CFH: variants seen among roughly 807,000 people sequenced by gnomAD.
CFH encodes the protein H factor 1 (complement).
In CFH, 53 loss-of-function variants were observed where a neutral mutation model predicts 147.3. That is an observed-to-expected ratio of 0.36 (90% CI 0.29 to 0.45). CFH has a LOEUF of 0.45. Ranked by LOEUF, CFH falls within the 20% of genes least tolerant of loss-of-function variation. The pLI is 1.00. For missense variants in CFH, 1,380 were observed against 1,498.0 expected (o/e 0.92, Z 1.30); for synonymous variants, 536 against 489.4 (o/e 1.10, Z -1.26).
At chr1:196,730,397 T>G (rs1669255043) in intron 15 of CFH, among the ~76,000 whole-genome samples, 1 of 151,894 alleles carries the variant, frequency 6.6e-6, no homozygotes, top group Admixed American at 6.6e-5. Context: ...CCATAGTTCC[T>G]CCTATTATTG....
intron 9 of CFH, among the ~76,000 whole-genome samples, chr1:196,707,247 G>A (rs763774690): frequency 2.0e-5 from 3 of 152,172 alleles, no homozygotes; most frequent in African/African-American, 7.2e-5. Context: ...CAGAGTAAGG[G>A]TGGTCCCTAA....
intron 13 of CFH, 23 bp downstream of exon 13, chr1:196,726,675 T>C (rs1181717030): frequency 6.2e-7 from 1 of 1,606,332 alleles, no homozygotes; most frequent in African/African-American, 1.3e-5. Flanking sequence ...ATATTAATAT[T>C]TAAACTTGTC....
At chr1:196,676,150 C>G in intron 4 of CFH, 85 bp downstream of exon 4, 11 of 770,802 alleles carry the variant, frequency 1.4e-5, no homozygotes, top group Admixed American at 2.7e-5. Flanking sequence ...CTTAAAGTCT[C>G]TATTAAATAT....
intron 17 of CFH, among the ~76,000 whole-genome samples, chr1:196,740,188 A>G (rs1353337736): frequency 6.6e-6 from 1 of 152,182 alleles, no homozygotes; most frequent in African/African-American, 2.4e-5. Flanking sequence ...TTGGGTGGGG[A>G]CACAGCTAAA....
chr1:196,664,803 G>A (rs1045252452), intron 1 of CFH, among the ~76,000 whole-genome samples: 1 of 151,702 alleles, frequency 6.6e-6, no homozygotes, highest in African/African-American at 2.4e-5. Flanking sequence ...TAAAAATGCT[G>A]GAATAAACAC....
At chr1:196,746,106 A>T in intron 21 of CFH, 107 bp downstream of exon 21, 1 of 1,580,340 alleles carries the variant, frequency 6.3e-7, no homozygotes, top group Admixed American at 1.7e-5. Flanking sequence ...ATTCTGCTGA[A>T]TGCTTGCCTA....
At chr1:196,676,325 T>G (rs1316457637) in intron 4 of CFH, among the ~76,000 whole-genome samples, 1 of 152,124 alleles carries the variant, frequency 6.6e-6, no homozygotes, top group Non-Finnish European at 1.5e-5. Flanking sequence ...TATTTCCTTT[T>G]GGATTCTAAT....
chr1:196,707,532 A>T (rs1280844379), intron 9 of CFH, among the ~76,000 whole-genome samples: 3 of 152,194 alleles, frequency 2.0e-5, no homozygotes, highest in Non-Finnish European at 4.4e-5. Flanking sequence ...CACTTAAAAC[A>T]CAGTGAAAGA....
intron 18 of CFH, chr1:196,741,475 A>G (rs1652807737): frequency 4.0e-6 from 1 of 247,046 alleles, no homozygotes; most frequent in African/African-American, 2.3e-5. Flanking sequence ...AGCATGTGGG[A>G]AACTGCCACC....
At chr1:196,727,710 A>T (rs1265438891) in intron 14 of CFH, among the ~76,000 whole-genome samples, 1 of 152,114 alleles carries the variant, frequency 6.6e-6, no homozygotes, top group African/African-American at 2.4e-5. Context: ...AAAAGTGATA[A>T]TTTTTCAGTT....
intron 9 of CFH, among the ~76,000 whole-genome samples, chr1:196,697,253 T>G (rs1435457236): frequency 6.6e-6 from 1 of 151,808 alleles, no homozygotes; most frequent in Non-Finnish European, 1.5e-5. Flanking sequence ...TGCAATCTAC[T>G]CATCTGACAA....
At position 196,686,634 on chromosome 1, in the gene CFH, C is replaced by T. The variant is rs185424258; in HGVS notation, c.964+1397C>T. Among the ~76,000 whole-genome samples, 162 of 152,186 alleles carry T rather than the reference C, an allele frequency of 1.1e-3. 1 individual carries two copies. In the East Asian group the frequency reaches 0.019, roughly 18 times the overall value. On this transcript the variant is annotated intron_variant, in intron 7 of 21. Transcript: ENST00000367429. ...CTTTAATTCCTGGCATAATTCCAAT[C>T]CCTAAGAGAGGAAGCTATTATCAGT...
At chr1:196,712,385 TCA>T (rs1269438015) in intron 9 of CFH, among the ~76,000 whole-genome samples, 2 of 151,464 alleles carry the variant, frequency 1.3e-5, no homozygotes, top group African/African-American at 4.8e-5. Flanking sequence ...TAATTTATTT[TCA>T]GTTTTTATTC....
intron 18 of CFH, 110 bp from the exon 19 acceptor site, chr1:196,741,765 G>A (rs1378393669): frequency 9.3e-6 from 9 of 962,924 alleles, no homozygotes; most frequent in African/African-American, 4.9e-5. Context: ...GAAAAATGTT[G>A]TACAGTATTC....
chr1:196,720,569 A>G, intron 11 of CFH, among the ~76,000 whole-genome samples: 1 of 151,986 alleles, frequency 6.6e-6, no homozygotes, highest in Non-Finnish European at 1.5e-5. Flanking sequence ...TTTTACCTAA[A>G]ATAATGGCCT....
intron 9 of CFH, among the ~76,000 whole-genome samples, chr1:196,704,007 A>G (rs1211599832): frequency 1.3e-5 from 2 of 149,156 alleles, no homozygotes; most frequent in Non-Finnish European, 3.0e-5. Context: ...AAAAAAAAAG[A>G]CAGAGTTTTT....
At chr1:196,725,088 A>G (rs902332134) in intron 11 of CFH, 33 bp from the exon 12 acceptor site, 19 of 1,565,922 alleles carry the variant, frequency 1.2e-5, no homozygotes, top group Admixed American at 6.8e-5. Context: ...GATTAATTAT[A>G]TATTCTCATG....
chr1:196,703,908 G>C (rs774669950), intron 9 of CFH, among the ~76,000 whole-genome samples: 1 of 149,452 alleles, frequency 6.7e-6, no homozygotes, highest in African/African-American at 2.5e-5. Flanking sequence ...GGCGTGAATC[G>C]GGGAGGCAGA....
chr1:196,670,446 T>C (rs1248327088), intron 1 of CFH, among the ~76,000 whole-genome samples: 1 of 152,190 alleles, frequency 6.6e-6, no homozygotes, highest in Non-Finnish European at 1.5e-5. Context: ...CAGTGGGACG[T>C]GCTTGGATCA....
Sources: allele counts gnomAD v4.1 joint callset (sites outside exome capture counted in the v4.1 genomes callset), GRCh38; gene constraint gnomAD v4.1.1; transcripts MANE v1.5; gene names NCBI Gene and HGNC (gene_info 2026-07-23, HGNC 2026-07-21).